Variants in CARS2 observed in about 807,000 individuals in gnomAD.
CARS2 encodes probable cysteine--tRNA ligase, mitochondrial.
In CARS2, 52 loss-of-function variants were observed where a neutral mutation model predicts 68.8. The observed-to-expected ratio is 0.76, with a 90% CI of 0.61 to 0.95. The LOEUF is 0.95. CARS2 is among the 40% of genes least tolerant of loss of function. CARS2 has a pLI of 0.00. For synonymous variants in CARS2, 314 were observed against 303.6 expected (o/e 1.03, Z -0.36); for missense variants, 780 against 754.2 (o/e 1.03, Z -0.40).
At chr13:110,664,641 A>T (rs1027691101) in intron 8 of CARS2, 3 of 982,418 alleles carry the variant, frequency 3.1e-6, no homozygotes, top group Admixed American at 1.2e-4. Context: ...CTGATTTTTT[A>T]AAATTGATGA....
chr13:110,682,102 T>C (rs1272023771), intron 6 of CARS2, among the ~76,000 whole-genome samples: 1 of 151,708 alleles, frequency 6.6e-6, no homozygotes, highest in East Asian at 1.9e-4. Context: ...TGGTGGGGGA[T>C]GCTGACAGTG....
chr13:110,665,332 G>T lies in CARS2; in HGVS notation c.920-1814C>A. 1.5e-6 allele frequency: 1 copy of T among 651,610 alleles called. No homozygotes were observed. The highest frequency in any genetic ancestry group is 1.9e-6 in the Non-Finnish European group (1 of 524,930). The allele number at this position is 651,610 out of a possible 1,614,324, so 40.4% of individuals were successfully genotyped here. Reference sequence around the variant, plus strand: ...ATGGTGGTATGCACCTGTAGTCGCAGCTACTAGAACAGCTGAGGCAGGAGA... The same window carrying T: ...ATGGTGGTATGCACCTGTAGTCGCATCTACTAGAACAGCTGAGGCAGGAGA... On this transcript the variant is annotated intron_variant, in intron 8 of 14. Coordinates refer to ENST00000257347, the MANE Select transcript of CARS2 (RefSeq NM_024537.4). This position sits in a 1 kb window ranked among gnomAD's most constrained non-coding sequence, Gnocchi z 4.3.
intron 3 of CARS2, among the ~76,000 whole-genome samples, chr13:110,696,835 C>G (rs2063637383): frequency 6.6e-6 from 1 of 152,148 alleles, no homozygotes; most frequent in Non-Finnish European, 1.5e-5. Flanking sequence ...CGCTGGCCAC[C>G]TCCTCCTTCC....
chr13:110,669,761 C>A (rs1404824465), intron 7 of CARS2, among the ~76,000 whole-genome samples: 1 of 152,108 alleles, frequency 6.6e-6, no homozygotes, highest in Non-Finnish European at 1.5e-5. Context: ...CAGGGTGGGG[C>A]ATCGCCTCAC....
intron 13 of CARS2, chr13:110,644,110 G>T: frequency 7.4e-7 from 1 of 1,354,472 alleles, no homozygotes; most frequent in Admixed American, 2.2e-5. Context: ...GAACATAAAC[G>T]TGTGTGCAGA....
intron 9 of CARS2, among the ~76,000 whole-genome samples, chr13:110,658,726 C>T (rs752585368): frequency 3.3e-5 from 5 of 152,124 alleles, no homozygotes; most frequent in African/African-American, 4.8e-5. Context: ...AGTTCCAGAC[C>T]AGCCTGGCCA....
rs753033768 is a variant in CARS2 at position 110,701,477 on chromosome 13, A to G, written c.354T>C (p.Ile118=). The change falls in exon 3 of 15, where the codon ATT becomes ATC. Residue 118 remains isoleucine (I), a synonymous_variant. Coordinates refer to ENST00000257347, the MANE Select transcript of CARS2 (RefSeq NM_024537.4). ...TGATGATTTTATCATCTACATCTGTAATACCCATCACCATGACTATGCTGC... is the reference window on the plus strand; with the variant it reads ...TGATGATTTTATCATCTACATCTGTGATACCCATCACCATGACTATGCTGC... ...FGCSIVMVMG[I]TDVDDKIIKR... The G allele has an allele frequency of 5.7e-6, 9 of 1,576,854 alleles. No individual in the cohort carries two copies. The South Asian group carries it at 6.6e-5, about 12-fold the overall frequency.
Position 110,641,442 on chromosome 13 carries a change from C to A in CARS2, c.*95G>T. On this transcript the variant is annotated 3_prime_UTR_variant, in exon 15 of 15. Coordinates refer to ENST00000257347, the MANE Select transcript of CARS2 (RefSeq NM_024537.4). ...TTGGTTGCCTTACTTTAATGCTGAC[C>A]TAGCAGCCCCGACAGGAAGCTTTAA... The A allele has an allele frequency of 9.7e-7, 1 of 1,029,092 alleles. No homozygotes were observed. The highest frequency in any genetic ancestry group is 1.5e-6 in the Non-Finnish European group (1 of 650,898). The allele number at this position is 1,029,092 out of a possible 1,614,324, so 63.7% of individuals were successfully genotyped here.
intron 6 of CARS2, among the ~76,000 whole-genome samples, chr13:110,678,833 G>A (rs12430171): frequency 0.13 from 20,486 of 152,136 alleles, 1,866 homozygotes; most frequent in Admixed American, 0.27. Context: ...ACCTGGAGAC[G>A]GTGGGAGGGG....
rs2062723982 is a variant in CARS2, at chr13:110,668,832, A to G, written c.786-1359T>C. ...TAAAATCAGAGAAGGCTCAGAAGGA[A>G]CAACAATAATGGTCTCTTCATTATT... On this transcript the variant is annotated intron_variant, in intron 7 of 14. Transcript: ENST00000257347. The surrounding 1 kb of genome is among the most constrained non-coding windows in gnomAD (Gnocchi z 4.1). Among the ~76,000 whole-genome samples the G allele has an allele frequency of 6.6e-6, 1 of 152,240 alleles. No individual in the cohort carries two copies. The highest frequency in any genetic ancestry group is 6.5e-5 in the Admixed American group (1 of 15,288).
rs1471764005 is a variant in CARS2 at position 110,676,212 on chromosome 13, AGCACGGG to A, written c.785+755_785+761del. On this transcript the variant is annotated intron_variant, in intron 7 of 14. Transcript: ENST00000257347. The surrounding 1 kb of genome is among the most constrained non-coding windows in gnomAD (Gnocchi z 4.0). ...TGGCGAGCCCCATGGGCAGCTGTGC[AGCACGGG>A]GCACGGGCGGTATGCTGTCTTTCAC... is the stretch of plus-strand genomic sequence containing the variant. Among the ~76,000 whole-genome samples the A allele has an allele frequency of 2.0e-5, 3 of 152,200 alleles. No individual in the cohort carries two copies. The highest frequency in any genetic ancestry group is 4.4e-5 in the Non-Finnish European group (3 of 68,028).
At chr13:110,701,144 C>T (rs1326887941) in intron 3 of CARS2, among the ~76,000 whole-genome samples, 1 of 151,940 alleles carries the variant, frequency 6.6e-6, no homozygotes, top group Non-Finnish European at 1.5e-5. Flanking sequence ...CTCATTGCAA[C>T]CTTCGCCCCC....
intron 9 of CARS2, 68 bp from the exon 10 acceptor site, chr13:110,651,168 T>C (rs1441213395): frequency 1.8e-6 from 2 of 1,094,184 alleles, no homozygotes; most frequent in African/African-American, 3.2e-5. Flanking sequence ...AGAGAATATG[T>C]TACTTTCTAC....
Position 110,667,437 on chromosome 13 carries a change from A to C in CARS2, c.822T>G (p.Gly274=). The C allele has an allele frequency of 6.2e-7, 1 of 1,613,874 alleles. No individual in the cohort carries two copies. Among genetic ancestry groups the C allele is most frequent in the African/African-American group, 1.3e-5 (1 of 75,050 alleles). Residue 274 remains glycine, a synonymous_variant, in exon 8 of 15, where the codon GGT becomes GGG. Transcript: ENST00000257347. ...VFGSQLDIHS[G]GIDLAFPHHE... ...GATGTGGAAAAGCTAAATCTATCCCACCTGAATGGATATCCAGTTGACTTC... is the reference window on the plus strand; with the variant it reads ...GATGTGGAAAAGCTAAATCTATCCCCCCTGAATGGATATCCAGTTGACTTC...
chr13:110,662,403 C>A (rs2062535570), intron 9 of CARS2, among the ~76,000 whole-genome samples: 1 of 151,870 alleles, frequency 6.6e-6, no homozygotes. Context: ...GGGTTTGGAC[C>A]CCCTCTGCGT....
intron 9 of CARS2, among the ~76,000 whole-genome samples, chr13:110,654,878 G>A (rs2062319852): frequency 6.9e-6 from 1 of 144,120 alleles, no homozygotes; most frequent in Admixed American, 7.4e-5. Flanking sequence ...ACTGCACCAG[G>A]TGCCACTGCA....
upstream of CARS2, among the ~76,000 whole-genome samples, chr13:110,711,457 G>A (rs1352474347): frequency 1.3e-5 from 2 of 152,174 alleles, no homozygotes; most frequent in East Asian, 1.9e-4. Context: ...CAGGCAATTC[G>A]CCCGCCTCGG....
Position 110,705,697 on chromosome 13 carries a change from A to C in CARS2, c.225-126T>G, listed in dbSNP as rs1164867476. ...TGGGGGATGAATAGCCGGGGTTTTCATACTTGCTCAATTCACACCCAAACC... is the reference window on the plus strand; with the variant it reads ...TGGGGGATGAATAGCCGGGGTTTTCCTACTTGCTCAATTCACACCCAAACC... On this transcript the variant is annotated intron_variant, in intron 1 of 14. Coordinates refer to ENST00000257347, the MANE Select transcript of CARS2 (RefSeq NM_024537.4). This position sits in a 1 kb window ranked among gnomAD's most constrained non-coding sequence, Gnocchi z 4.0. The C allele has an allele frequency of 6.6e-7, 1 of 1,508,486 alleles. No individual in the cohort carries two copies. Among genetic ancestry groups the C allele is most frequent in the African/African-American group, 1.4e-5 (1 of 72,366 alleles). 93.4% of individuals were successfully genotyped at this position (1,508,486 alleles called of 1,614,324 possible). A position where few individuals can be genotyped will look rare whatever the true frequency, so the allele number is the denominator to read the frequency against.
upstream of CARS2, among the ~76,000 whole-genome samples, chr13:110,711,439 C>T (rs1202886161): frequency 6.6e-6 from 1 of 152,218 alleles, no homozygotes; most frequent in African/African-American, 2.4e-5. Context: ...GTCCCGAACT[C>T]CTGATCTCAG....
Sources: gnomAD v4.1 joint callset for allele counts (sites outside exome capture counted in the v4.1 genomes callset) on GRCh38, gnomAD v4.1.1 for gene constraint, Gnocchi (gnomAD v3.1) non-coding constraint, MANE v1.5 for transcripts, NCBI Gene and HGNC (gene_info 2026-07-23, HGNC 2026-07-21) for gene names.